The following SGK3 variants were observed in gnomAD, a reference collection of about 807,000 sequenced individuals.
The protein encoded by SGK3 is serine/threonine-protein kinase Sgk3.
A neutral mutation model predicts 68.5 loss-of-function variants in SGK3; 47 were observed. The ratio of observed to expected loss-of-function variants is 0.69; its 90% CI spans 0.54 to 0.87. The LOEUF is 0.87. SGK3 is among the 40% of genes least tolerant of loss of function. The probability of loss-of-function intolerance (pLI) is 0.00; values close to 1 mark genes in which losing one functional copy is unlikely to be tolerated. For missense variants in SGK3, 479 were observed against 575.5 expected (o/e 0.83, Z 1.72); for synonymous variants, 181 against 189.1 (o/e 0.96, Z 0.35).
intron 4 of SGK3, among the ~76,000 whole-genome samples, chr8:66,807,973 A>G (rs918410930): frequency 1.3e-5 from 2 of 152,204 alleles, no homozygotes; most frequent in Non-Finnish European, 2.9e-5. Context: ...AGAATATACC[A>G]TTAAATGGAA....
At chr8:66,759,649 T>TTTTGTTTGTTTG (rs113675222) in intron 1 of SGK3, among the ~76,000 whole-genome samples, 4 of 151,492 alleles carry the variant, frequency 2.6e-5, no homozygotes, top group Admixed American at 1.3e-4. Context: ...CCAGGATGGT[T>TTTTGTTTGTTTG]TTTGTTTGTT....
chr8:66,725,635 A>AT (rs959356122), intron 1 of SGK3, among the ~76,000 whole-genome samples: 160 of 147,634 alleles, frequency 1.1e-3, no homozygotes, highest in Middle Eastern at 3.4e-3. Flanking sequence ...TTGTGTTTTA[A>AT]TTTTTTTTTT....
At chr8:66,825,831 C>T (rs915542768) in intron 6 of SGK3, among the ~76,000 whole-genome samples, 6 of 152,106 alleles carry the variant, frequency 3.9e-5, no homozygotes, top group Non-Finnish European at 5.9e-5. Flanking sequence ...TTGTCTAATT[C>T]GATATCCTAA....
At chr8:66,819,870 T>G (rs1585765385) in intron 5 of SGK3, among the ~76,000 whole-genome samples, 1 of 151,644 alleles carries the variant, frequency 6.6e-6, no homozygotes, top group Non-Finnish European at 1.5e-5. Context: ...CAGGCTGGAG[T>G]GCAATGGCAC....
At chr8:66,835,711 C>T in intron 8 of SGK3, 52 bp from the exon 9 acceptor site, 1 of 1,552,304 alleles carries the variant, frequency 6.4e-7, no homozygotes, top group Non-Finnish European at 8.7e-7. Context: ...TGAATTATTT[C>T]TATCAAAATT....
chr8:66,744,102 C>T (rs576212648), intron 1 of SGK3, among the ~76,000 whole-genome samples: 3 of 152,212 alleles, frequency 2.0e-5, no homozygotes, highest in East Asian at 1.9e-4. Flanking sequence ...ACTGAGACAG[C>T]GTGCATGGGA....
At chr8:66,828,507 C>A in intron 6 of SGK3, 147 bp from the exon 7 acceptor site, 1 of 972,584 alleles carries the variant, frequency 1.0e-6, no homozygotes, top group Non-Finnish European at 1.5e-6. Flanking sequence ...TAAGTCTATA[C>A]CCTTACTGAG....
chr8:66,744,998 C>G (rs894600242), intron 1 of SGK3, among the ~76,000 whole-genome samples: 5 of 151,736 alleles, frequency 3.3e-5, no homozygotes, highest in Non-Finnish European at 7.4e-5. Context: ...TCTAAGAAGT[C>G]TTTCTTGTTC....
chr8:66,786,745 A>G (rs966151479), intron 1 of SGK3, among the ~76,000 whole-genome samples: 3 of 152,050 alleles, frequency 2.0e-5, no homozygotes, highest in Admixed American at 6.6e-5. Flanking sequence ...TCTTTCAAAC[A>G]TCTGCTTCCA....
intron 1 of SGK3, among the ~76,000 whole-genome samples, chr8:66,723,110 T>TATAA (rs1804854930): frequency 2.1e-5 from 1 of 47,758 alleles, no homozygotes; most frequent in Non-Finnish European, 4.2e-5. Flanking sequence ...TATATATATA[T>TATAA]ATATATATAT....
intron 1 of SGK3, chr8:66,775,252 C>A (rs533530298): frequency 6.6e-5 from 10 of 152,574 alleles, no homozygotes; most frequent in African/African-American, 2.4e-4. Context: ...GGCGCAGGTC[C>A]CGGCCGAGTG....
At chr8:66,717,988 A>G (rs1318058809) in intron 1 of SGK3, among the ~76,000 whole-genome samples, 1 of 151,266 alleles carries the variant, frequency 6.6e-6, no homozygotes, top group African/African-American at 2.4e-5. Context: ...GGCGTGAGCC[A>G]CTGCGCCCGG....
intron 10 of SGK3, among the ~76,000 whole-genome samples, chr8:66,837,709 A>G (rs1453754416): frequency 6.6e-6 from 1 of 152,168 alleles, no homozygotes; most frequent in African/African-American, 2.4e-5. Context: ...GTTTGAGCCC[A>G]GGAGGTTGCG....
chr8:66,832,200 C>G (rs920819758), intron 8 of SGK3, among the ~76,000 whole-genome samples: 8 of 152,126 alleles, frequency 5.3e-5, no homozygotes, highest in African/African-American at 1.9e-4. Context: ...AATCATGTAA[C>G]TTGACAGTAT....
chr8:66,786,364 T>C (rs1237184030), intron 1 of SGK3, among the ~76,000 whole-genome samples: 3 of 152,204 alleles, frequency 2.0e-5, no homozygotes, highest in Non-Finnish European at 2.9e-5. Flanking sequence ...CATCCTTTCA[T>C]GCTTCAGTTT....
chr8:66,818,323 A>G (rs1808678453), intron 5 of SGK3, among the ~76,000 whole-genome samples: 1 of 152,248 alleles, frequency 6.6e-6, no homozygotes, highest in Admixed American at 6.5e-5. Flanking sequence ...GTTCACAAAG[A>G]AGGACACAGA....
intron 6 of SGK3, among the ~76,000 whole-genome samples, chr8:66,825,364 C>G (rs904691271): frequency 6.8e-6 from 1 of 147,728 alleles, no homozygotes; most frequent in Non-Finnish European, 1.5e-5. Context: ...AGTCTCGCTC[C>G]GTCGCCCAGG....
chr8:66,748,285 C>A (rs1420029148), intron 1 of SGK3, among the ~76,000 whole-genome samples: 1 of 152,072 alleles, frequency 6.6e-6, no homozygotes, highest in Non-Finnish European at 1.5e-5. Context: ...AAAATACTGC[C>A]ACTAAAGTAG....
chr8:66,846,586 T>G (rs957941980), intron 14 of SGK3, among the ~76,000 whole-genome samples: 2 of 152,334 alleles, frequency 1.3e-5, no homozygotes, highest in Admixed American at 1.3e-4. Context: ...AGTGCTGGGA[T>G]TACAGGCGTG....
Sources: allele counts gnomAD v4.1 joint callset (sites outside exome capture counted in the v4.1 genomes callset), GRCh38; gene constraint gnomAD v4.1.1; transcripts MANE v1.5; gene names NCBI Gene and HGNC (gene_info 2026-07-23, HGNC 2026-07-21).